EPRS1: variants seen among roughly 807,000 people sequenced by gnomAD.
The protein encoded by EPRS1 is bifunctional glutamate/proline--tRNA ligase.
In EPRS1, 107 loss-of-function variants were observed where a neutral mutation model predicts 188.3. The ratio of observed to expected loss-of-function variants is 0.57; its 90% CI spans 0.49 to 0.67. EPRS1 has a LOEUF of 0.67. EPRS1 is among the 30% of genes least tolerant of loss of function. EPRS1 has a pLI of 0.00. For missense variants in EPRS1, 1,577 were observed against 1,802.2 expected (o/e 0.88, Z 2.26); for synonymous variants, 596 against 593.1 (o/e 1.00, Z -0.07).
chr1:219,981,334 A>T, intron 24 of EPRS1, 44 bp downstream of exon 24: 5 of 1,260,938 alleles, frequency 4.0e-6, no homozygotes, highest in Non-Finnish European at 5.5e-6. Context: ...AAAAAAAAAA[A>T]GAACATGAAT....
At chr1:220,035,573 A>C (rs1430292560) in intron 2 of EPRS1, among the ~76,000 whole-genome samples, 1 of 152,190 alleles carries the variant, frequency 6.6e-6, no homozygotes, top group Non-Finnish European at 1.5e-5. Context: ...TCACACCTGT[A>C]ATCCCAGTAC....
chr1:219,982,746 T>G, intron 23 of EPRS1, 26 bp downstream of exon 23: 8 of 1,589,690 alleles, frequency 5.0e-6, no homozygotes, highest in Non-Finnish European at 6.0e-6. Flanking sequence ...GTGAGCATTC[T>G]CTTGCACTCC....
intron 8 of EPRS1, among the ~76,000 whole-genome samples, chr1:220,023,981 G>A (rs1049892867): frequency 5.9e-5 from 9 of 152,218 alleles, no homozygotes; most frequent in South Asian, 4.1e-4. Context: ...GTGAAACCCC[G>A]TCTCTACTAA....
intron 15 of EPRS1, among the ~76,000 whole-genome samples, chr1:220,005,889 T>C (rs557798272): frequency 6.9e-6 from 1 of 145,688 alleles, no homozygotes; most frequent in South Asian, 2.3e-4. Flanking sequence ...AGGCTGGTCT[T>C]GAACTCCTGA....
At chr1:219,985,074 C>G (rs901150935) in intron 20 of EPRS1, among the ~76,000 whole-genome samples, 2 of 144,936 alleles carry the variant, frequency 1.4e-5, no homozygotes, top group African/African-American at 5.1e-5. Flanking sequence ...AAGAAAGAAA[C>G]AAAAACAGCA....
intron 18 of EPRS1, among the ~76,000 whole-genome samples, chr1:219,990,138 A>C (rs889484406): frequency 2.0e-5 from 3 of 151,324 alleles, no homozygotes; most frequent in Non-Finnish European, 4.4e-5. Context: ...AAAAAAAAAA[A>C]CCCCGTTCGC....
At chr1:219,977,199 A>G (rs1660797129) in intron 28 of EPRS1, among the ~76,000 whole-genome samples, 1 of 152,206 alleles carries the variant, frequency 6.6e-6, no homozygotes, top group African/African-American at 2.4e-5. Flanking sequence ...AAAAAGTATA[A>G]CTAATACCTT....
intron 12 of EPRS1, chr1:220,018,113 C>G: frequency 7.6e-7 from 1 of 1,311,462 alleles, no homozygotes; most frequent in Non-Finnish European, 1.0e-6. Flanking sequence ...CAAATAAAAG[C>G]ATTAAGTAAT....
intron 28 of EPRS1, among the ~76,000 whole-genome samples, chr1:219,976,049 C>T (rs780250845): frequency 1.4e-4 from 21 of 152,030 alleles, no homozygotes; most frequent in Non-Finnish European, 2.2e-4. Flanking sequence ...ACATCTTGTG[C>T]CAAGCAGCAA....
chr1:220,035,227 T>A (rs1662155432), intron 2 of EPRS1, among the ~76,000 whole-genome samples: 1 of 152,206 alleles, frequency 6.6e-6, no homozygotes, highest in Admixed American at 6.5e-5. Context: ...CTTGGTTCAC[T>A]GCAACCTCTG....
chr1:220,006,147 T>C lies in EPRS1; in HGVS notation c.1909A>G (p.Lys637Glu). The C allele has an allele frequency of 6.3e-7, 1 of 1,595,326 alleles. No homozygotes were observed. Among genetic ancestry groups the C allele is most frequent in the African/African-American group, 1.3e-5 (1 of 74,702 alleles). The change falls in exon 15 of 32, where the codon AAA becomes GAA. Residue 637 changes from lysine to glutamate, a missense_variant. Physicochemically the swap from Lys to Glu is moderately conservative, Grantham distance 56. Around this residue, in one of 3 missense-constraint regions of EPRS1, gnomAD observed 1,278 missense variants for 1,457.4 expected, o/e 0.88. Coordinates refer to ENST00000366923, the MANE Select transcript of EPRS1 (RefSeq NM_004446.3). ...EHLITKPVLG[K>E]DEDFKQYVNK... Reference sequence around the variant, plus strand: ...ACATACTGCTTAAAGTCCTCGTCTTTTCCTAGCACTGGCTTTGTGATCAAG... The same window carrying C: ...ACATACTGCTTAAAGTCCTCGTCTTCTCCTAGCACTGGCTTTGTGATCAAG...
At chr1:219,980,031 T>C (rs1660865031) in intron 26 of EPRS1, 54 bp downstream of exon 26, 1 of 1,435,232 alleles carries the variant, frequency 7.0e-7, no homozygotes, top group African/African-American at 1.4e-5. Context: ...TTATTGGATC[T>C]GTCCATGGAC....
intron 16 of EPRS1, among the ~76,000 whole-genome samples, chr1:220,003,552 G>C (rs1442025376): frequency 6.6e-6 from 1 of 152,124 alleles, no homozygotes; most frequent in Non-Finnish European, 1.5e-5. Flanking sequence ...TTAGGTCTTT[G>C]ATAAATGTTG....
chr1:220,010,170 C>T (rs1221281501), intron 13 of EPRS1, among the ~76,000 whole-genome samples: 2 of 149,746 alleles, frequency 1.3e-5, no homozygotes, highest in African/African-American at 4.9e-5. Context: ...GAGGAAATGA[C>T]AGTGTAAGAG....
intron 18 of EPRS1, among the ~76,000 whole-genome samples, chr1:219,992,580 G>A (rs1661144374): frequency 6.6e-6 from 1 of 152,136 alleles, no homozygotes; most frequent in Non-Finnish European, 1.5e-5. Context: ...ACTGTAGCAT[G>A]AAAGCAGCCA....
At chr1:220,019,937 TG>T (rs1181913548) in intron 10 of EPRS1, 50 bp downstream of exon 10, 1 of 1,282,344 alleles carries the variant, frequency 7.8e-7, no homozygotes, top group South Asian at 1.2e-5. Context: ...TAAAAATCAC[TG>T]ATCTACTATG....
Position 219,982,849 on chromosome 1 carries a change from T to G in EPRS1, c.3301-5A>C, listed in dbSNP as rs781463442. 25 of 1,613,212 alleles carry G rather than the reference T, an allele frequency of 1.5e-5. No homozygotes were observed. In the Admixed American group the frequency reaches 4.0e-4, roughly 26 times the overall value. On this transcript the variant is annotated splice_region_variant and splice_polypyrimidine_tract_variant and intron_variant, in intron 22 of 31. Transcript: ENST00000366923. ...AGATCTTGTAACCCAAGCAACCTAG[T>G]AAGAAAAAATCATTTTTCATACTTT...
chr1:220,035,819 A>T (rs546092616), intron 2 of EPRS1, among the ~76,000 whole-genome samples: 55 of 152,276 alleles, frequency 3.6e-4, no homozygotes, highest in Non-Finnish European at 3.5e-4. Flanking sequence ...TGTCTCAAAA[A>T]AAATAAATAA....
chr1:219,973,421 A>C, intron 28 of EPRS1, 23 bp from the exon 29 acceptor site: 1 of 1,568,730 alleles, frequency 6.4e-7, no homozygotes, highest in Non-Finnish European at 8.7e-7. Context: ...AAAGGCAGTT[A>C]AAATGATATA....
Sources: allele counts gnomAD v4.1 joint callset (sites outside exome capture counted in the v4.1 genomes callset), GRCh38; gene constraint gnomAD v4.1.1; regional missense constraint gnomAD v4.1.1; transcripts MANE v1.5; gene names NCBI Gene and HGNC (gene_info 2026-07-23, HGNC 2026-07-21).